GLT1D1: variants seen among roughly 807,000 people sequenced by gnomAD.
The protein encoded by GLT1D1 is glycosyltransferase 1 domain-containing protein 1.
In GLT1D1, 21 loss-of-function variants were observed where a neutral mutation model predicts 28.7. The ratio of observed to expected loss-of-function variants is 0.73; its 90% CI spans 0.52 to 1.05. GLT1D1 has a LOEUF of 1.05. GLT1D1 is among the 50% of genes least tolerant of loss of function. The pLI, the probability that GLT1D1 is intolerant of heterozygous loss-of-function variation, is 0.00. For missense variants in GLT1D1, 343 were observed against 330.6 expected (o/e 1.04, Z -0.29); for synonymous variants, 147 against 124.8 (o/e 1.18, Z -1.19).
intron 4 of GLT1D1, among the ~76,000 whole-genome samples, chr12:128,915,945 A>G (rs1404176197): frequency 6.6e-6 from 1 of 152,202 alleles, no homozygotes; most frequent in Non-Finnish European, 1.5e-5. Context: ...GTATATACCC[A>G]TGTGACAAAT....
At chr12:128,958,388 G>A (rs777941450) in intron 7 of GLT1D1, among the ~76,000 whole-genome samples, 3 of 152,072 alleles carry the variant, frequency 2.0e-5, no homozygotes, top group African/African-American at 7.2e-5. Flanking sequence ...GCAGAGCTTA[G>A]AGGTGCACAT....
intron 1 of GLT1D1, among the ~76,000 whole-genome samples, chr12:128,873,909 TTCTC>T (rs532576919): frequency 1.1e-4 from 15 of 133,436 alleles, no homozygotes; most frequent in East Asian, 7.3e-4. Context: ...TTCTCTTTCT[TTCTC>T]TCTTTCTTTT....
intron 7 of GLT1D1, among the ~76,000 whole-genome samples, chr12:128,966,454 A>T (rs1878466998): frequency 1.3e-5 from 2 of 151,818 alleles, no homozygotes. Context: ...ACCCTTCCCT[A>T]TCTTATTTCA....
At chr12:128,967,075 C>G (rs902033919) in intron 7 of GLT1D1, among the ~76,000 whole-genome samples, 1 of 152,190 alleles carries the variant, frequency 6.6e-6, no homozygotes, top group Non-Finnish European at 1.5e-5. Flanking sequence ...TACACTGTCC[C>G]AGGGTCAGAC....
At chr12:128,874,407 C>T (rs1956823390) in intron 1 of GLT1D1, among the ~76,000 whole-genome samples, 1 of 151,252 alleles carries the variant, frequency 6.6e-6, no homozygotes, top group African/African-American at 2.4e-5. Context: ...GTCTTGAACT[C>T]CTGACCTCAA....
At chr12:128,889,051 G>A (rs1048550313) in intron 3 of GLT1D1, among the ~76,000 whole-genome samples, 6 of 152,154 alleles carry the variant, frequency 3.9e-5, no homozygotes, top group African/African-American at 1.4e-4. Context: ...GGCTGAGGCA[G>A]GAGGATTGCT....
At chr12:128,869,057 C>T (rs1203546163) in intron 1 of GLT1D1, among the ~76,000 whole-genome samples, 4 of 152,082 alleles carry the variant, frequency 2.6e-5, no homozygotes, top group South Asian at 2.1e-4. Flanking sequence ...TTAGTAGAGA[C>T]GGGGTTTCTC....
At chr12:128,945,877 A>G (rs1480299903) in intron 5 of GLT1D1, among the ~76,000 whole-genome samples, 1 of 152,152 alleles carries the variant, frequency 6.6e-6, no homozygotes, top group African/African-American at 2.4e-5. Context: ...TCCCATCCTG[A>G]AGGTGACATG....
rs937884965 is a variant in GLT1D1 at position 128,983,329 on chromosome 12, T to G, written c.*239T>G. 4.3e-6 allele frequency: 2 copies of G among 469,276 alleles called. No individual in the cohort carries two copies. Among genetic ancestry groups the G allele is most frequent in the Admixed American group, 6.9e-5 (2 of 28,938 alleles). The allele number at this position is 469,276 out of a possible 1,614,324, so 29.1% of individuals were successfully genotyped here. ...GTCCTGATGGAGGTGCATGAGTGACTGGGTTGACTGGGACAGGGAAAGGGG... is the reference window on the plus strand; with the variant it reads ...GTCCTGATGGAGGTGCATGAGTGACGGGGTTGACTGGGACAGGGAAAGGGG... On this transcript the variant is annotated 3_prime_UTR_variant, in exon 8 of 8. Transcript: ENST00000281703. This position sits in a 1 kb window ranked among gnomAD's most constrained non-coding sequence, Gnocchi z 4.7.
intron 6 of GLT1D1, among the ~76,000 whole-genome samples, 198 bp from the exon 11 acceptor site, chr12:128,957,347 A>C (rs1381076411): frequency 6.6e-6 from 1 of 152,242 alleles, no homozygotes; most frequent in African/African-American, 2.4e-5. Context: ...GCTTCCAAAC[A>C]TACTAAGTAA....
At chr12:128,861,985 G>T (rs7964167) in intron 1 of GLT1D1, among the ~76,000 whole-genome samples, 49,064 of 152,052 alleles carry the variant, frequency 0.32, 8,350 homozygotes, top group South Asian at 0.53. Context: ...TGCCTTCCTT[G>T]GTTTTGTTTG....
chr12:128,914,450 G>A (rs1043484419), intron 4 of GLT1D1, among the ~76,000 whole-genome samples: 2 of 152,106 alleles, frequency 1.3e-5, no homozygotes, highest in African/African-American at 4.8e-5. Context: ...TGTGCTGAAG[G>A]ATTCATGGGA....
chr12:128,963,149 C>A (rs919542957), intron 7 of GLT1D1, among the ~76,000 whole-genome samples: 1 of 152,164 alleles, frequency 6.6e-6, no homozygotes, highest in Non-Finnish European at 1.5e-5. Flanking sequence ...TGCACACCAA[C>A]GACAGTGGGT....
At chr12:128,913,622 C>T (rs141455557) in intron 4 of GLT1D1, among the ~76,000 whole-genome samples, 65 of 152,304 alleles carry the variant, frequency 4.3e-4, no homozygotes, top group African/African-American at 1.6e-3. Context: ...CAGGTTAGAA[C>T]GAGTGCAGAG....
chr12:128,943,436 C>T (rs117363704), intron 4 of GLT1D1, among the ~76,000 whole-genome samples: 30 of 151,986 alleles, frequency 2.0e-4, no homozygotes, highest in Non-Finnish European at 3.7e-4. Context: ...AAAGAGGAAC[C>T]GGCAAGTAGA....
At chr12:128,901,814 C>T (rs551467620) in intron 4 of GLT1D1, among the ~76,000 whole-genome samples, 6 of 151,286 alleles carry the variant, frequency 4.0e-5, no homozygotes, top group African/African-American at 1.5e-4. Context: ...GTGGTGCAAT[C>T]ATGGCTCACT....
chr12:128,890,643 G>A (rs1033160274), intron 3 of GLT1D1, among the ~76,000 whole-genome samples: 6 of 151,708 alleles, frequency 4.0e-5, no homozygotes, highest in African/African-American at 1.5e-4. Flanking sequence ...AAATTAGCTG[G>A]GTGTGGTGGT....
intron 1 of GLT1D1, among the ~76,000 whole-genome samples, chr12:128,862,328 C>CA (rs34391238): frequency 0.19 from 17,061 of 87,716 alleles, 1,402 homozygotes; most frequent in Middle Eastern, 0.36. Context: ...GACTCTGTCT[C>CA]AAAAAAAAAA....
intron 3 of GLT1D1, among the ~76,000 whole-genome samples, chr12:128,898,974 C>T (rs1869939919): frequency 6.6e-6 from 1 of 152,212 alleles, no homozygotes; most frequent in Admixed American, 6.5e-5. Context: ...GATTTTATCC[C>T]TGCCTCTCTG....
Sources: allele counts gnomAD v4.1 joint callset (sites outside exome capture counted in the v4.1 genomes callset), GRCh38; gene constraint gnomAD v4.1.1; non-coding constraint Gnocchi (gnomAD v3.1); transcripts MANE v1.5; gene names NCBI Gene and HGNC (gene_info 2026-07-23, HGNC 2026-07-21).